The following MTA3 variants were observed in gnomAD, a reference collection of about 807,000 sequenced individuals.
The protein encoded by MTA3 is metastasis associated 1 family member 3.
A neutral mutation model predicts 83.5 loss-of-function variants in MTA3; 34 were observed. The ratio of observed to expected loss-of-function variants is 0.41; its 90% CI spans 0.31 to 0.54. MTA3 has a LOEUF of 0.54. Ranked by LOEUF, MTA3 falls within the 20% of genes least tolerant of loss-of-function variation. The pLI, the probability that MTA3 is intolerant of heterozygous loss-of-function variation, is 0.33. For synonymous variants in MTA3, 303 were observed against 252.7 expected (o/e 1.20, Z -1.89); for missense variants, 761 against 726.4 (o/e 1.05, Z -0.55).
intron 5 of MTA3, among the ~76,000 whole-genome samples, chr2:42,641,989 A>G (rs1573437832): frequency 1.3e-5 from 2 of 152,194 alleles, no homozygotes; most frequent in Non-Finnish European, 2.9e-5. Flanking sequence ...CAATGTATGC[A>G]TATAAGAACT....
intron 2 of MTA3, among the ~76,000 whole-genome samples, chr2:42,514,789 A>G (rs1194868750): frequency 7.1e-6 from 1 of 140,762 alleles, no homozygotes; most frequent in Non-Finnish European, 1.5e-5. Context: ...ATGGGATCAA[A>G]TGATCCTCCC....
intron 2 of MTA3, among the ~76,000 whole-genome samples, chr2:42,525,182 C>A (rs1244618595): frequency 7.4e-6 from 1 of 135,330 alleles, no homozygotes; most frequent in African/African-American, 2.7e-5. Flanking sequence ...ACTTCAATTT[C>A]TTTTTCTTCT....
intron 2 of MTA3, among the ~76,000 whole-genome samples, chr2:42,521,751 C>CTTTTTTTTTT (rs35664371): frequency 9.4e-6 from 1 of 106,400 alleles, no homozygotes; most frequent in Non-Finnish European, 1.8e-5. Context: ...ATCTTTCTCT[C>CTTTTTTTTTT]TTTTTTTTTT....
intron 2 of MTA3, among the ~76,000 whole-genome samples, chr2:42,539,147 T>C (rs1194055683): frequency 6.6e-6 from 1 of 152,174 alleles, no homozygotes; most frequent in African/African-American, 2.4e-5. Flanking sequence ...TTTCTTTAGG[T>C]TAGTTCCTTA....
intron 3 of MTA3, among the ~76,000 whole-genome samples, chr2:42,580,125 G>T (rs1331545352): frequency 6.6e-6 from 1 of 151,968 alleles, no homozygotes; most frequent in Non-Finnish European, 1.5e-5. Flanking sequence ...AAAAAAGCGT[G>T]TTACAGAGAT....
intron 16 of MTA3, among the ~76,000 whole-genome samples, chr2:42,737,734 A>G (rs1001527318): frequency 4.6e-5 from 7 of 152,246 alleles, no homozygotes; most frequent in Non-Finnish European, 8.8e-5. Context: ...TAGAAGCTCA[A>G]GAAGGTTGAA....
chr2:42,529,588 G>A (rs1675865377), intron 2 of MTA3, among the ~76,000 whole-genome samples: 1 of 152,204 alleles, frequency 6.6e-6, no homozygotes, highest in Non-Finnish European at 1.5e-5. Context: ...TCACTCCTCA[G>A]GTGATTGTGC....
At chr2:42,721,305 G>T (rs905350472) in intron 15 of MTA3, among the ~76,000 whole-genome samples, 1 of 151,284 alleles carries the variant, frequency 6.6e-6, no homozygotes, top group Non-Finnish European at 1.5e-5. Context: ...TTGGAGGAAG[G>T]ACTGTTCTTT....
intron 2 of MTA3, among the ~76,000 whole-genome samples, chr2:42,534,230 T>C (rs1179936020): frequency 1.3e-5 from 2 of 152,194 alleles, no homozygotes; most frequent in East Asian, 3.8e-4. Context: ...TGCCTGGAAC[T>C]GGCCCCATCA....
chr2:42,626,462 T>C (rs1686107288), intron 4 of MTA3, among the ~76,000 whole-genome samples: 1 of 149,820 alleles, frequency 6.7e-6, no homozygotes, highest in African/African-American at 2.5e-5. Flanking sequence ...CATGCCCAGC[T>C]AATTTTTGCA....
chr2:42,500,206 C>A (rs1242076564), intron 2 of MTA3, among the ~76,000 whole-genome samples: 3 of 152,118 alleles, frequency 2.0e-5, no homozygotes, highest in African/African-American at 7.2e-5. Flanking sequence ...CGAGACCAGC[C>A]TGGCCAACAT....
At chr2:42,639,912 G>A (rs967408620) in intron 4 of MTA3, among the ~76,000 whole-genome samples, 1 of 151,970 alleles carries the variant, frequency 6.6e-6, no homozygotes, top group Non-Finnish European at 1.5e-5. Context: ...TACCTATAAA[G>A]TATTGCATAT....
At chr2:42,736,406 G>T (rs572669377) in intron 16 of MTA3, among the ~76,000 whole-genome samples, 1 of 152,102 alleles carries the variant, frequency 6.6e-6, no homozygotes, top group African/African-American at 2.4e-5. Context: ...CAGCACTGGG[G>T]CTCACCCAAG....
intron 4 of MTA3, among the ~76,000 whole-genome samples, chr2:42,612,724 G>C (rs1370060098): frequency 1.3e-5 from 2 of 152,078 alleles, no homozygotes; most frequent in Non-Finnish European, 2.9e-5. Context: ...AGCTGAGCAT[G>C]GTGGCACATG....
rs1343362430 is a variant in MTA3 at position 42,568,687 on chromosome 2, G to A, written c.-59G>A. 3 of 1,180,418 alleles carry A rather than the reference G, an allele frequency of 2.5e-6. No individual in the cohort carries two copies. In the Admixed American group the frequency reaches 1.3e-4, roughly 53 times the overall value. 73.1% of individuals were successfully genotyped at this position (1,180,418 alleles called of 1,614,324 possible). A position where few individuals can be genotyped will look rare whatever the true frequency, so the allele number is the denominator to read the frequency against. Reference sequence around the variant, plus strand: ...CAGCGGCGGTCGCGGCTGAGGCTGAGGAGGAGGCGGCGGCGGCGGGCGGGG... The same window carrying A: ...CAGCGGCGGTCGCGGCTGAGGCTGAAGAGGAGGCGGCGGCGGCGGGCGGGG... On this transcript the variant is annotated 5_prime_UTR_variant, in exon 1 of 17. Coordinates refer to ENST00000405094, the MANE Select transcript of MTA3 (RefSeq NM_001330442.2).
At chr2:42,582,759 G>T (rs540937494) in intron 3 of MTA3, among the ~76,000 whole-genome samples, 2 of 152,288 alleles carry the variant, frequency 1.3e-5, no homozygotes, top group East Asian at 1.9e-4. Context: ...TTAGGATTGG[G>T]TATGTAGAAA....
chr2:42,705,462 TG>T (rs1167325321), intron 12 of MTA3, among the ~76,000 whole-genome samples: 5 of 152,212 alleles, frequency 3.3e-5, no homozygotes, highest in Non-Finnish European at 7.3e-5. Context: ...CCCAGCACTT[TG>T]GGAGGCTGAG....
intron 2 of MTA3, among the ~76,000 whole-genome samples, chr2:42,508,805 T>TA (rs1281017174): frequency 6.8e-6 from 1 of 146,932 alleles, no homozygotes; most frequent in East Asian, 1.9e-4. Flanking sequence ...AAATATATTG[T>TA]AAATTATATA....
chr2:42,718,989 T>C lies in MTA3; in HGVS notation c.1527T>C (p.Tyr509=). ...CTCCATGTTTCTTTCTCTCCTCAGA[T>C]GCAGACAGACATGCTGAACTATCTG... ...AINYAAIRAE[Y]ADRHAELSGS... is the part of the protein sequence containing the mutation. Residue 509 remains tyrosine, a splice_region_variant and synonymous_variant, in exon 15 of 17, where the codon TAT becomes TAC. Coordinates refer to ENST00000405094, the MANE Select transcript of MTA3 (RefSeq NM_001330442.2). 1 of 1,549,572 alleles carries C rather than the reference T, an allele frequency of 6.5e-7. No individual in the cohort carries two copies. The highest frequency in any genetic ancestry group is 1.4e-5 in the African/African-American group (1 of 73,128).
Sources: gnomAD v4.1 joint callset for allele counts (sites outside exome capture counted in the v4.1 genomes callset) on GRCh38, gnomAD v4.1.1 for gene constraint, MANE v1.5 for transcripts, NCBI Gene and HGNC (gene_info 2026-07-23, HGNC 2026-07-21) for gene names.